Variants in MED15 observed in about 807,000 individuals in gnomAD.
MED15 encodes mediator of RNA polymerase II transcription subunit 15.
MED15 carries 41 observed loss-of-function variants against 118.7 expected under a neutral mutation model. The observed-to-expected ratio is 0.35, with a 90% CI of 0.27 to 0.45. The LOEUF (loss-of-function observed/expected upper bound fraction) is 0.45, where lower values mean the gene tolerates loss of function less well. MED15 is among the 20% of genes least tolerant of loss of function. MED15 has a pLI of 1.00. For synonymous variants in MED15, 436 were observed against 413.9 expected (o/e 1.05, Z -0.65); for missense variants, 740 against 1,025.5 (o/e 0.72, Z 3.80).
intron 6 of MED15, among the ~76,000 whole-genome samples, chr22:20,564,941 T>C: frequency 6.6e-6 from 1 of 152,162 alleles, no homozygotes; most frequent in East Asian, 1.9e-4. Context: ...CTGGCCAGCA[T>C]GGTGAAACCC....
chr22:20,580,589 A>G (rs2056952165), intron 9 of MED15, among the ~76,000 whole-genome samples: 1 of 152,102 alleles, frequency 6.6e-6, no homozygotes, highest in Non-Finnish European at 1.5e-5. Flanking sequence ...TGGGTCAGAA[A>G]AGGCAGAGTT....
intron 8 of MED15, 50 bp from the exon 9 acceptor site, chr22:20,575,063 T>C (rs775626965): frequency 1.2e-6 from 2 of 1,608,722 alleles, no homozygotes; most frequent in Admixed American, 1.7e-5. Flanking sequence ...GCCCAGGCAC[T>C]GAGTTTCTTT....
intron 2 of MED15, 114 bp downstream of exon 2, chr22:20,537,318 C>G: frequency 2.4e-6 from 2 of 838,510 alleles, no homozygotes; most frequent in South Asian, 1.7e-5. Flanking sequence ...GGTGGTTGCT[C>G]ATCGATTGAT....
At chr22:20,576,156 G>A (rs1243332922) in intron 9 of MED15, among the ~76,000 whole-genome samples, 1 of 152,234 alleles carries the variant, frequency 6.6e-6, no homozygotes, top group African/African-American at 2.4e-5. Flanking sequence ...CTAAGATTCT[G>A]AGAATAAAAT....
intron 8 of MED15, among the ~76,000 whole-genome samples, chr22:20,572,371 C>A (rs1246457911): frequency 1.3e-5 from 2 of 152,252 alleles, no homozygotes; most frequent in African/African-American, 4.8e-5. Flanking sequence ...TGGGGGCCCC[C>A]ATGCAGGCAG....
intron 13 of MED15, 43 bp from the exon 14 acceptor site, chr22:20,584,316 C>T: frequency 6.3e-7 from 1 of 1,598,112 alleles, no homozygotes; most frequent in Non-Finnish European, 8.6e-7. Flanking sequence ...CTGAGAACTG[C>T]CATGTCTTCC....
intron 6 of MED15, among the ~76,000 whole-genome samples, chr22:20,565,219 A>AT (rs1208175743): frequency 6.6e-6 from 1 of 152,206 alleles, no homozygotes; most frequent in Admixed American, 6.5e-5. Context: ...GAGCCCTTCC[A>AT]TTTGGGCTTG....
chr22:20,566,512 C>T lies in MED15; in HGVS notation c.736C>T (p.Leu246Phe). Residue 246 changes from leucine (L) to phenylalanine (F), a missense_variant, in exon 7 of 18, where the codon CTC becomes TTC. Leu to Phe is a conservative substitution (Grantham distance 22). Transcript: ENST00000263205. Reference protein sequence around the residue: ...QQLQRIAQLQLQQQQQQQQQQ... With the variant: ...QQLQRIAQLQFQQQQQQQQQQ... ...GCTGCAGCGAATAGCACAGCTGCAG[C>T]TCCAACAACAGCAACAGCAGCAGCA... 1.2e-6 allele frequency: 2 copies of T among 1,610,084 alleles called. No individual in the cohort carries two copies. The highest frequency in any genetic ancestry group is 2.2e-5 in the East Asian group (1 of 44,826).
chr22:20,508,177 G>A, intron 1 of MED15: 1 of 1,217,166 alleles, frequency 8.2e-7, no homozygotes, highest in Non-Finnish European at 1.1e-6. Flanking sequence ...GAGGGTGGAT[G>A]TAAGATGAGA....
intron 1 of MED15, chr22:20,522,660 G>T (rs2054503513): frequency 6.6e-6 from 1 of 152,338 alleles, no homozygotes; most frequent in Non-Finnish European, 1.5e-5. Flanking sequence ...AGGGCTGGGT[G>T]TAAGGTGATG....
At chr22:20,585,420 C>A in intron 16 of MED15, 153 bp downstream of exon 16, 2 of 1,046,562 alleles carry the variant, frequency 1.9e-6, no homozygotes, top group Non-Finnish European at 2.7e-6. Context: ...ACACACCGGG[C>A]TCCAGACAGC....
At chr22:20,534,815 A>G (rs11703918) in intron 1 of MED15, among the ~76,000 whole-genome samples, 21,945 of 152,072 alleles carry the variant, frequency 0.14, 1,740 homozygotes, top group African/African-American at 0.16. Context: ...GTTGGTTGTC[A>G]TTATCCTCCT....
chr22:20,535,772 G>A (rs1448117272), intron 1 of MED15, among the ~76,000 whole-genome samples: 6 of 151,924 alleles, frequency 3.9e-5, no homozygotes, highest in South Asian at 2.1e-4. Context: ...TGTTAGCCAG[G>A]ATGGTCGTGC....
Position 20,566,260 on chromosome 22 carries a change from G to A in MED15, c.691-207G>A, listed in dbSNP as rs2056435237. ...TCGCCAGGTTGTCCAGGCTGGTCTC[G>A]AACTCCTGACCTCAGGTGATCTGCC... On this transcript the variant is annotated intron_variant, in intron 6 of 17. Transcript: ENST00000263205. 6.6e-5 allele frequency among the ~76,000 whole-genome samples: 10 copies of A among 152,066 alleles called. No individual in the cohort carries two copies. In the South Asian group the frequency reaches 2.1e-3, roughly 32 times the overall value.
chr22:20,508,451 A>C, intron 1 of MED15: 2 of 1,285,340 alleles, frequency 1.6e-6, no homozygotes, highest in Non-Finnish European at 2.1e-6. Context: ...TTGTGTGAGC[A>C]ATAAAGCTGT....
chr22:20,568,474 C>T (rs768158279), intron 7 of MED15, 47 bp from the exon 8 acceptor site: 23 of 1,598,382 alleles, frequency 1.4e-5, no homozygotes, highest in Non-Finnish European at 1.8e-5. Context: ...AGGCTCTGCT[C>T]TCTGACCCAG....
At chr22:20,521,179 C>G (rs2054440376) in intron 1 of MED15, among the ~76,000 whole-genome samples, 1 of 145,448 alleles carries the variant, frequency 6.9e-6, no homozygotes, top group Non-Finnish European at 1.5e-5. Flanking sequence ...TCCCTGCAAC[C>G]TCTGCCTCCT....
At chr22:20,563,979 A>T (rs530184001) in intron 5 of MED15, among the ~76,000 whole-genome samples, 2 of 152,356 alleles carry the variant, frequency 1.3e-5, no homozygotes, top group South Asian at 4.1e-4. Flanking sequence ...AATGTTCATC[A>T]CAGGAAATCG....
chr22:20,507,918 C>T (rs1242552474), intron 1 of MED15, 172 bp downstream of exon 1: 1 of 1,452,974 alleles, frequency 6.9e-7, no homozygotes, highest in African/African-American at 1.4e-5. Flanking sequence ...CCGTTCCCGA[C>T]ATGGACTGCT....
Sources: gnomAD v4.1 joint callset for allele counts (sites outside exome capture counted in the v4.1 genomes callset) on GRCh38, gnomAD v4.1.1 for gene constraint, MANE v1.5 for transcripts, NCBI Gene and HGNC (gene_info 2026-07-23, HGNC 2026-07-21) for gene names.